Variants in SHLD1 observed in about 807,000 individuals in gnomAD.
The protein encoded by SHLD1 is shieldin complex subunit 1.
SHLD1 carries 3 observed loss-of-function variants against 5.5 expected under a neutral mutation model. The ratio of observed to expected loss-of-function variants is 0.54; its 90% CI spans 0.25 to 1.40. The LOEUF is 1.40. SHLD1 is among the 40% of genes most tolerant of loss of function. The pLI is 0.15. For missense variants in SHLD1, 210 were observed against 244.4 expected, an observed-to-expected ratio of 0.86 and a Z score of 0.94; for synonymous variants, 92 against 94.3, an observed-to-expected ratio of 0.98 and a Z score of 0.14.
At chr20:5,772,760 TA>T (rs1187314832) in intron 1 of SHLD1, 101 bp from the exon 2 acceptor site, 1 of 1,174,222 alleles carries the variant, frequency 8.5e-7, no homozygotes, top group Non-Finnish European at 1.2e-6. Context: ...AAAATAAAAA[TA>T]AAAATAAAAA....
At chr20:5,774,753 C>T (rs1425896440) in intron 2 of SHLD1, among the ~76,000 whole-genome samples, 2 of 152,230 alleles carry the variant, frequency 1.3e-5, no homozygotes, top group South Asian at 2.1e-4. Context: ...GAACCAATCA[C>T]CTCCCACCAG....
chr20:5,812,407 G>A (rs149481149), intron 2 of SHLD1, among the ~76,000 whole-genome samples: 105 of 152,268 alleles, frequency 6.9e-4, no homozygotes, highest in African/African-American at 2.4e-3. Flanking sequence ...GCAACTGGAA[G>A]ATGGTAAGAA....
chr20:5,862,199 A>C (rs1030622115), intron 2 of SHLD1, among the ~76,000 whole-genome samples: 1 of 152,228 alleles, frequency 6.6e-6, no homozygotes, highest in African/African-American at 2.4e-5. Context: ...AATTCAGTCC[A>C]TAGCATAGTG....
rs145847300 is a variant in SHLD1 at position 5,855,141 on chromosome 20, G to A, written c.179-7883G>A. Among the ~76,000 whole-genome samples the A allele has an allele frequency of 3.7e-4, 56 of 152,054 alleles. No homozygotes were observed. The highest frequency in any genetic ancestry group is 1.3e-3 in the African/African-American group (53 of 41,436). The stretch of plus-strand genomic sequence containing the variant: ...GATCCTCCTGCCTTGGCCTCCTAAA[G>A]TGCTGGGATTACAGGTGTGAGCCAT... On this transcript the variant is annotated intron_variant, in intron 2 of 2. Coordinates refer to ENST00000303142, the MANE Select transcript of SHLD1 (RefSeq NM_152504.4). This position sits in a 1 kb window ranked among gnomAD's most constrained non-coding sequence, Gnocchi z 4.4.
intron 2 of SHLD1, among the ~76,000 whole-genome samples, chr20:5,827,294 G>C (rs950656979): frequency 6.6e-6 from 1 of 152,180 alleles, no homozygotes; most frequent in African/African-American, 2.4e-5. Flanking sequence ...GTCCAACCTT[G>C]CCTCCTCCCT....
chr20:5,809,366 CAG>C (rs2087426513), intron 2 of SHLD1, among the ~76,000 whole-genome samples: 1 of 152,050 alleles, frequency 6.6e-6, no homozygotes, highest in Admixed American at 6.6e-5. Context: ...GCTCTGAGCT[CAG>C]AGTTAAATCC....
chr20:5,847,567 AAG>A (rs377161334), intron 2 of SHLD1, among the ~76,000 whole-genome samples: 2 of 152,204 alleles, frequency 1.3e-5, no homozygotes. Context: ...ATAAGATAAA[AAG>A]AGAGAGTGAA....
chr20:5,853,326 G>A (rs895339475), intron 2 of SHLD1, among the ~76,000 whole-genome samples: 3 of 152,100 alleles, frequency 2.0e-5, no homozygotes, highest in Admixed American at 6.5e-5. Context: ...CACGCCTGCA[G>A]TCCCAGCTAC....
intron 2 of SHLD1, among the ~76,000 whole-genome samples, chr20:5,844,799 ATTT>A (rs1161478171): frequency 1.4e-5 from 1 of 71,692 alleles, no homozygotes; most frequent in African/African-American, 4.2e-5. Context: ...ATATATATAT[ATTT>A]TTTTTTTTTT....
chr20:5,808,649 G>C (rs978002493), intron 2 of SHLD1, among the ~76,000 whole-genome samples: 1 of 152,172 alleles, frequency 6.6e-6, no homozygotes, highest in Admixed American at 6.5e-5. Context: ...ATTGACCCAT[G>C]TTTTTACTCA....
chr20:5,760,430 C>T (rs1301122804), intron 1 of SHLD1, among the ~76,000 whole-genome samples: 3 of 152,152 alleles, frequency 2.0e-5, no homozygotes, highest in Non-Finnish European at 4.4e-5. Flanking sequence ...TGGTGGCTTA[C>T]ACCTGTAATC....
At chr20:5,829,471 C>T (rs1489819787) in intron 2 of SHLD1, among the ~76,000 whole-genome samples, 1 of 152,118 alleles carries the variant, frequency 6.6e-6, no homozygotes, top group East Asian at 1.9e-4. Flanking sequence ...CCTCAAAAAG[C>T]AAGAAAGCAA....
chr20:5,830,919 C>A (rs1267228151), intron 2 of SHLD1, among the ~76,000 whole-genome samples: 1 of 151,856 alleles, frequency 6.6e-6, no homozygotes, highest in Non-Finnish European at 1.5e-5. Context: ...CTCTTATTAC[C>A]GCTTAAATTT....
rs144955343 is a variant in SHLD1, at chr20:5,817,394, TTCTCTCTC to T, written c.178+44383_178+44390del. Among the ~76,000 whole-genome samples the T allele has an allele frequency of 4.2e-3, 316 of 75,840 alleles. 1 individual carries two copies. The highest frequency in any genetic ancestry group is 5.0e-3 in the Non-Finnish European group (187 of 37,220). 49.8% of individuals were successfully genotyped at this position (75,840 alleles called of 152,430 possible). On this transcript the variant is annotated intron_variant, in intron 2 of 2. Coordinates refer to ENST00000303142, the MANE Select transcript of SHLD1 (RefSeq NM_152504.4). The stretch of plus-strand genomic sequence containing the variant: ...CTTGTTTTTAAGCTCACGGGATATT[TTCTCTCTC>T]TCTCTCTCTCTCTCTCTCTCTCTCT...
chr20:5,854,310 G>T (rs1238403562), intron 2 of SHLD1, among the ~76,000 whole-genome samples: 1 of 151,962 alleles, frequency 6.6e-6, no homozygotes, highest in African/African-American at 2.4e-5. Flanking sequence ...CCGGCCTTAT[G>T]TTTTTTGGTA....
intron 2 of SHLD1, among the ~76,000 whole-genome samples, chr20:5,822,017 G>A (rs1241474845): frequency 1.3e-5 from 2 of 152,202 alleles, no homozygotes; most frequent in East Asian, 3.8e-4. Flanking sequence ...AGTGCTAGGA[G>A]GTGAGGAGCC....
chr20:5,755,138 C>T lies in SHLD1; in HGVS notation c.-5+4659C>T, dbSNP rs372848403. ...CAAGGTTCTTGTTGTATAGATGAAG[C>T]CTCTAAGTAACAGGCTTTAGAGAGA... On this transcript the variant is annotated intron_variant, in intron 1 of 2. Transcript: ENST00000303142. 7.6e-4 allele frequency among the ~76,000 whole-genome samples: 116 copies of T among 152,052 alleles called. 1 individual carries two copies. The South Asian group carries it at 0.024, about 32-fold the overall frequency.
intron 1 of SHLD1, among the ~76,000 whole-genome samples, chr20:5,769,158 C>T (rs59727777): frequency 2.9e-3 from 440 of 152,274 alleles, no homozygotes; most frequent in African/African-American, 0.01. Flanking sequence ...GCTTCTGCCT[C>T]GGCCCCGCAA....
At chr20:5,857,883 A>C (rs183267046) in intron 2 of SHLD1, among the ~76,000 whole-genome samples, 1 of 152,090 alleles carries the variant, frequency 6.6e-6, no homozygotes, top group African/African-American at 2.4e-5. Flanking sequence ...GTGGATCACG[A>C]GGTCAGGAGA....
Sources: allele counts gnomAD v4.1 joint callset (sites outside exome capture counted in the v4.1 genomes callset), GRCh38; gene constraint gnomAD v4.1.1; non-coding constraint Gnocchi (gnomAD v3.1); transcripts MANE v1.5; gene names NCBI Gene and HGNC (gene_info 2026-07-23, HGNC 2026-07-21).